The following EED variants were observed in gnomAD, a reference collection of about 807,000 sequenced individuals.
EED encodes the protein embryonic ectoderm development.
In EED, 9 loss-of-function variants were observed where a neutral mutation model predicts 61.0. That is an observed-to-expected ratio of 0.15 (90% confidence interval 0.09 to 0.26). The LOEUF (loss-of-function observed/expected upper bound fraction) is 0.26. Ranked by LOEUF, EED falls within the 10% of genes least tolerant of loss-of-function variation. The probability of loss-of-function intolerance (pLI) is 1.00; values close to 1 mark genes in which losing one functional copy is unlikely to be tolerated. For missense variants in EED, 315 were observed against 542.3 expected, an observed-to-expected ratio of 0.58 and a Z score of 4.16; for synonymous variants, 187 against 174.4, an observed-to-expected ratio of 1.07 and a Z score of -0.57.
chr11:86,281,665 G>T (rs920745211), downstream of EED, among the ~76,000 whole-genome samples: 2 of 152,144 alleles, frequency 1.3e-5, no homozygotes, highest in Middle Eastern at 6.8e-3. Context: ...TCTAGAGTCG[G>T]GGTCTTGCTA....
chr11:86,262,495 C>T (rs1945858470), intron 6 of EED, among the ~76,000 whole-genome samples: 1 of 152,104 alleles, frequency 6.6e-6, no homozygotes, highest in African/African-American at 2.4e-5. Context: ...AGGTCTCATT[C>T]TTGTCACCCA....
At chr11:86,279,522 G>T (rs1946299834), downstream of EED, among the ~76,000 whole-genome samples, 1 of 152,206 alleles carries the variant, frequency 6.6e-6, no homozygotes, top group African/African-American at 2.4e-5. Context: ...AAGATCACAT[G>T]TGGAGGGGTT....
At chr11:86,260,484 C>T (rs1006677065) in intron 6 of EED, among the ~76,000 whole-genome samples, 3 of 152,330 alleles carry the variant, frequency 2.0e-5, no homozygotes, top group Middle Eastern at 3.4e-3. Flanking sequence ...ACACCTTGGC[C>T]TCCCAAAGTG....
At chr11:86,274,408 G>C (rs1946183582) in intron 9 of EED, among the ~76,000 whole-genome samples, 2 of 151,974 alleles carry the variant, frequency 1.3e-5, no homozygotes, top group African/African-American at 4.8e-5. Flanking sequence ...TATGATTCTT[G>C]GTATGAAGAG....
In EED at chr11:86,277,798, A is replaced by G. The variant is rs1946266632; in HGVS notation, c.1126-120A>G. The G allele has an allele frequency of 1.3e-5, 12 of 891,730 alleles. No homozygotes were observed. In the South Asian group the frequency reaches 1.8e-4, roughly 13 times the overall value. 55.2% of individuals were successfully genotyped at this position (891,730 alleles called of 1,614,324 possible). A position where few individuals can be genotyped will look rare whatever the true frequency, so the allele number is the denominator to read the frequency against. On this transcript the variant is annotated intron_variant, in intron 10 of 11. Transcript: ENST00000263360. ...AGTATAAGACCCAAAGAAATAGCCAAGAGCACAGAGGCTGGAACTGAGCTT... is the reference window on the plus strand; with the variant it reads ...AGTATAAGACCCAAAGAAATAGCCAGGAGCACAGAGGCTGGAACTGAGCTT...
downstream of EED, among the ~76,000 whole-genome samples, chr11:86,281,598 A>G (rs1307355078): frequency 1.3e-5 from 2 of 152,138 alleles, no homozygotes; most frequent in African/African-American, 4.8e-5. Context: ...GCTGCATCCC[A>G]TAAGTTTTGA....
At chr11:86,270,811 C>G (rs1003815492) in intron 9 of EED, among the ~76,000 whole-genome samples, 7 of 152,302 alleles carry the variant, frequency 4.6e-5, no homozygotes, top group Non-Finnish European at 8.8e-5. Flanking sequence ...GCACCTCTCT[C>G]AGAAATTGTT....
intron 9 of EED, chr11:86,276,236 A>AT (rs1946226833): frequency 6.6e-6 from 1 of 152,102 alleles, no homozygotes; most frequent in South Asian, 2.1e-4. Flanking sequence ...CAGTTTTGCA[A>AT]TTTTTTCTCA....
chr11:86,247,076 T>C (rs984203658), intron 1 of EED, among the ~76,000 whole-genome samples: 3 of 152,230 alleles, frequency 2.0e-5, no homozygotes, highest in Admixed American at 6.5e-5. Context: ...ATAATGAAAC[T>C]GTCAGACCTG....
rs1282178139 is a variant in EED, at chr11:86,245,342, A to C, written c.113A>C (p.Asn38Thr). ...NSNPDLSGDENDDAVSIESGT... is the reference protein window; with the variant it reads ...NSNPDLSGDETDDAVSIESGT... ...AATCCAGACCTCTCTGGAGACGAGAATGTAAGTGCAGCTTCTGGCAGTTAC... is the reference window on the plus strand; with the variant it reads ...AATCCAGACCTCTCTGGAGACGAGACTGTAAGTGCAGCTTCTGGCAGTTAC... Residue 38 changes from asparagine to threonine, a missense_variant and splice_region_variant, in exon 1 of 12, where the codon AAT becomes ACT. Coordinates refer to ENST00000263360, the MANE Select transcript of EED (RefSeq NM_003797.5). The C allele has an allele frequency of 1.2e-6, 2 of 1,606,768 alleles. No individual in the cohort carries two copies. The highest frequency in any genetic ancestry group is 8.5e-7 in the Non-Finnish European group (1 of 1,175,580).
intron 6 of EED, among the ~76,000 whole-genome samples, chr11:86,258,461 T>C (rs1305380392): frequency 2.0e-5 from 3 of 152,116 alleles, no homozygotes; most frequent in Non-Finnish European, 2.9e-5. Context: ...TAACACTAAT[T>C]GGGGCTCAGA....
chr11:86,264,846 A>G (rs772568875), intron 7 of EED: 2 of 152,158 alleles, frequency 1.3e-5, no homozygotes, highest in Admixed American at 6.5e-5. Context: ...ATTTTTGCTT[A>G]TGTTCCATAT....
intron 9 of EED, among the ~76,000 whole-genome samples, chr11:86,270,509 G>A (rs1433801428): frequency 2.0e-5 from 3 of 152,008 alleles, no homozygotes; most frequent in Non-Finnish European, 2.9e-5. Context: ...GCAAATGTTT[G>A]TAGTTTTTAT....
At chr11:86,245,497 C>T (rs1404010881) in intron 1 of EED, among the ~76,000 whole-genome samples, 154 bp downstream of exon 1, 2 of 151,522 alleles carry the variant, frequency 1.3e-5, no homozygotes, top group Non-Finnish European at 2.9e-5. Context: ...AAATTGCCTA[C>T]GGGGATTTTG....
At chr11:86,247,675 C>CCCCT (rs1423517026) in intron 1 of EED, among the ~76,000 whole-genome samples, 1 of 152,086 alleles carries the variant, frequency 6.6e-6, no homozygotes. Context: ...CATCCATGTA[C>CCCCT]CCCTGACTTA....
chr11:86,248,008 T>C (rs761846099), intron 1 of EED, among the ~76,000 whole-genome samples: 9 of 152,228 alleles, frequency 5.9e-5, no homozygotes, highest in Non-Finnish European at 8.8e-5. Flanking sequence ...ATCAGAGGGC[T>C]GAATCTGGAG....
intron 2 of EED, among the ~76,000 whole-genome samples, chr11:86,251,729 C>T (rs1945535925): frequency 1.3e-5 from 2 of 152,072 alleles, no homozygotes; most frequent in South Asian, 2.1e-4. Context: ...AAAATTTAGC[C>T]TTATAAAATT....
At chr11:86,250,261 G>C (rs754683234) in intron 1 of EED, 35 bp from the exon 2 acceptor site, 1 of 1,464,978 alleles carries the variant, frequency 6.8e-7, no homozygotes, top group African/African-American at 1.5e-5. Flanking sequence ...CAGTATTGCT[G>C]TTTCATGTAA....
chr11:86,263,313 C>T (rs1477756690), intron 6 of EED, among the ~76,000 whole-genome samples: 10 of 152,164 alleles, frequency 6.6e-5, no homozygotes, highest in Admixed American at 5.9e-4. Context: ...CCTCAATGCT[C>T]CACTCACACC....
Sources: allele counts gnomAD v4.1 joint callset (sites outside exome capture counted in the v4.1 genomes callset), GRCh38; gene constraint gnomAD v4.1.1; transcripts MANE v1.5; gene names NCBI Gene and HGNC (gene_info 2026-07-23, HGNC 2026-07-21).